The following QTRT1 variants were observed in gnomAD, a reference collection of about 807,000 sequenced individuals.
The protein encoded by QTRT1 is queuine tRNA-ribosyltransferase catalytic subunit 1.
In QTRT1, 41 loss-of-function variants were observed where a neutral mutation model predicts 44.0. The observed-to-expected ratio is 0.93, with a 90% CI of 0.73 to 1.21. The LOEUF is 1.21. QTRT1 is among the 50% of genes most tolerant of loss of function. QTRT1 has a pLI of 0.00. For missense variants in QTRT1, 542 were observed against 575.8 expected, an observed-to-expected ratio of 0.94 and a Z score of 0.60; for synonymous variants, 226 against 237.1, an observed-to-expected ratio of 0.95 and a Z score of 0.43.
At chr19:10,709,878 G>C (rs542583338) in intron 5 of QTRT1, among the ~76,000 whole-genome samples, 1 of 152,114 alleles carries the variant, frequency 6.6e-6, no homozygotes, top group South Asian at 2.1e-4. Flanking sequence ...AGGCATGGTG[G>C]TGGGCACCTG....
intron 3 of QTRT1, among the ~76,000 whole-genome samples, chr19:10,703,560 A>G (rs536538425): frequency 9.9e-4 from 150 of 152,270 alleles, no homozygotes; most frequent in Non-Finnish European, 2.0e-3. Context: ...CTGTAATCCC[A>G]GCACTTTGGG....
rs746701882 is a variant in QTRT1 at position 10,701,478 on chromosome 19, C to A, written c.18C>A (p.Thr6=). The A allele has an allele frequency of 3.8e-6, 6 of 1,561,456 alleles. No homozygotes were observed. In the East Asian group the frequency reaches 1.4e-4, roughly 35 times the overall value. Residue 6 remains threonine, a synonymous_variant, in exon 1 of 10, where the codon ACC becomes ACA. Coordinates refer to ENST00000250237, the MANE Select transcript of QTRT1 (RefSeq NM_031209.3). ...CAGTCAAGATGGCGGGAGCAGCTAC[C>A]CAGGCTTCCCTGGAGTCGGCCCCAC... MAGAA[T]QASLESAPRI... is the part of the protein sequence containing the mutation.
intron 3 of QTRT1, among the ~76,000 whole-genome samples, chr19:10,705,597 G>A (rs947107785): frequency 6.0e-5 from 9 of 150,864 alleles, no homozygotes; most frequent in Non-Finnish European, 8.9e-5. Flanking sequence ...GTACTGTGGT[G>A]CAATCTCGGC....
intron 5 of QTRT1, among the ~76,000 whole-genome samples, chr19:10,708,111 C>A (rs1318065075): frequency 6.6e-6 from 1 of 151,780 alleles, no homozygotes; most frequent in Non-Finnish European, 1.5e-5. Flanking sequence ...ACTACAGGCA[C>A]CCGCCACCAG....
intron 5 of QTRT1, among the ~76,000 whole-genome samples, chr19:10,710,558 A>G (rs2068734184): frequency 6.6e-6 from 1 of 151,878 alleles, no homozygotes; most frequent in African/African-American, 2.4e-5. Context: ...CTCGTGATCC[A>G]CCTGCCTTGG....
chr19:10,702,783 T>G (rs2068696197), intron 3 of QTRT1, among the ~76,000 whole-genome samples: 1 of 144,632 alleles, frequency 6.9e-6, no homozygotes, highest in Admixed American at 6.9e-5. Context: ...TTTTTTTTTT[T>G]TTTGAGACAG....
chr19:10,702,739 C>G (rs531696250), intron 3 of QTRT1, among the ~76,000 whole-genome samples: 1 of 150,234 alleles, frequency 6.7e-6, no homozygotes, highest in Non-Finnish European at 1.5e-5. Context: ...TTAGGCTTCT[C>G]CCATATCCTC....
At chr19:10,709,719 G>T (rs1350131308) in intron 5 of QTRT1, among the ~76,000 whole-genome samples, 1 of 152,118 alleles carries the variant, frequency 6.6e-6, no homozygotes, top group Non-Finnish European at 1.5e-5. Flanking sequence ...CGTGGTGGCG[G>T]GCGCCTGTAG....
intron 3 of QTRT1, among the ~76,000 whole-genome samples, chr19:10,702,542 G>A (rs563143145): frequency 4.6e-5 from 7 of 152,162 alleles, no homozygotes; most frequent in African/African-American, 1.7e-4. Context: ...GGAAGCTCAT[G>A]CCTGTAATCC....
chr19:10,704,610 C>T (rs527452816), intron 3 of QTRT1, among the ~76,000 whole-genome samples: 159 of 141,914 alleles, frequency 1.1e-3, no homozygotes, highest in African/African-American at 3.9e-3. Flanking sequence ...TTTTTGAAAC[C>T]GAGTTTCGCT....
At position 10,712,658 on chromosome 19, in the gene QTRT1, G is replaced by A. The variant is rs764305145; in HGVS notation, c.861+30G>A. The A allele has an allele frequency of 6.2e-6, 9 of 1,455,302 alleles. No individual in the cohort carries two copies. Among genetic ancestry groups the A allele is most frequent in the East Asian group, 2.9e-5 (1 of 33,948 alleles). The allele number at this position is 1,455,302 out of a possible 1,614,324, so 90.1% of individuals were successfully genotyped here. On this transcript the variant is annotated intron_variant, in intron 7 of 9. Transcript: ENST00000250237. The surrounding 1 kb of genome is among the most constrained non-coding windows in gnomAD (Gnocchi z 5.6). ...GGCTCTGGCAGAAGGAGGTCAGGGCGGGAGACGGGTGGGGGACTAGGGAGG... is the reference window on the plus strand; with the variant it reads ...GGCTCTGGCAGAAGGAGGTCAGGGCAGGAGACGGGTGGGGGACTAGGGAGG...
At chr19:10,704,496 G>A (rs984522408) in intron 3 of QTRT1, among the ~76,000 whole-genome samples, 2 of 151,100 alleles carry the variant, frequency 1.3e-5, no homozygotes, top group Non-Finnish European at 2.9e-5. Context: ...GGGTTTCATC[G>A]TGTTAGCCAG....
rs1432422589 is a variant in QTRT1 at position 10,712,175 on chromosome 19, G to C, written c.661G>C (p.Asp221His). ...ATCLEEMTKR[D>H]VPGFAIGGLS... Reference sequence around the variant, plus strand: ...TGTACCCTCAGAGATGACCAAGCGAGACGTGCCTGGCTTCGCCATCGGGGG... The same window carrying C: ...TGTACCCTCAGAGATGACCAAGCGACACGTGCCTGGCTTCGCCATCGGGGG... The change falls in exon 6 of 10, where the codon GAC becomes CAC. Residue 221 changes from aspartate to histidine, a missense_variant. Transcript: ENST00000250237. This position sits in a 1 kb window ranked among gnomAD's most constrained non-coding sequence, Gnocchi z 5.6. 46 of 1,613,056 alleles carry C rather than the reference G, an allele frequency of 2.9e-5. No homozygotes were observed. Among genetic ancestry groups the C allele is most frequent in the Non-Finnish European group, 3.8e-5 (45 of 1,180,056 alleles).
chr19:10,706,122 G>A (rs147690911), intron 3 of QTRT1, among the ~76,000 whole-genome samples: 61 of 152,172 alleles, frequency 4.0e-4, no homozygotes, highest in African/African-American at 1.4e-3. Flanking sequence ...CCAAAGTGCT[G>A]GGATTACAGG....
rs770935667 is a variant in QTRT1, at chr19:10,712,204, G to A, written c.690G>A (p.Leu230=). 1 of 1,613,932 alleles carries A rather than the reference G, an allele frequency of 6.2e-7. No homozygotes were observed. Among genetic ancestry groups the A allele is most frequent in the Non-Finnish European group, 8.5e-7 (1 of 1,180,050 alleles). The change falls in exon 6 of 10, where the codon CTG becomes CTA. Residue 230 remains leucine, a synonymous_variant. Transcript: ENST00000250237. This position sits in a 1 kb window ranked among gnomAD's most constrained non-coding sequence, Gnocchi z 5.6. ...TGCCTGGCTTCGCCATCGGGGGCCT[G>A]AGCGGGGGTGAGAGCAAGTCGCAGT... The part of the protein sequence containing the change: ...RDVPGFAIGG[L]SGGESKSQFW...
At chr19:10,707,437 T>G in intron 4 of QTRT1, 57 bp downstream of exon 4, 1 of 1,609,704 alleles carries the variant, frequency 6.2e-7, no homozygotes, top group Non-Finnish European at 8.5e-7. Context: ...TCCTGGTCCC[T>G]GTAGCCTTGT....
intron 5 of QTRT1, chr19:10,709,181 G>A (rs2068727734): frequency 6.6e-6 from 1 of 152,216 alleles, no homozygotes; most frequent in South Asian, 2.1e-4. Flanking sequence ...GGCATATGTA[G>A]CCTTGGACTA....
intron 3 of QTRT1, among the ~76,000 whole-genome samples, chr19:10,704,022 T>G (rs903191063): frequency 6.7e-6 from 1 of 149,574 alleles, no homozygotes; most frequent in Non-Finnish European, 1.5e-5. Flanking sequence ...GTTTTTTGTA[T>G]TTTTAGTAGA....
chr19:10,707,282 T>A lies in QTRT1; in HGVS notation c.452-20T>A. 1 of 1,613,882 alleles carries A rather than the reference T, an allele frequency of 6.2e-7. No individual in the cohort carries two copies. The highest frequency in any genetic ancestry group is 8.5e-7 in the Non-Finnish European group (1 of 1,179,766). On this transcript the variant is annotated intron_variant, in intron 3 of 9. Coordinates refer to ENST00000250237, the MANE Select transcript of QTRT1 (RefSeq NM_031209.3). ...GCATTGCGGGCTTTCCCAGTGATGT[T>A]GCCCCCATCTCACCATCAGGCTCGG...
Sources: allele counts gnomAD v4.1 joint callset (sites outside exome capture counted in the v4.1 genomes callset), GRCh38; gene constraint gnomAD v4.1.1; non-coding constraint Gnocchi (gnomAD v3.1); transcripts MANE v1.5; gene names NCBI Gene and HGNC (gene_info 2026-07-23, HGNC 2026-07-21).